PARP4: variants seen among roughly 807,000 people sequenced by gnomAD.
The protein encoded by PARP4 is poly(ADP-ribose) polymerase family member 4, also known as protein mono-ADP-ribosyltransferase PARP4.
PARP4 carries 120 observed loss-of-function variants against 187.7 expected under a neutral mutation model. The ratio of observed to expected loss-of-function variants is 0.64; its 90% CI spans 0.55 to 0.74. The LOEUF is 0.74. Ranked by LOEUF, PARP4 falls within the 30% of genes least tolerant of loss-of-function variation. PARP4 has a pLI of 0.00. For synonymous variants in PARP4, 654 were observed against 740.9 expected (o/e 0.88, Z 1.90); for missense variants, 1,836 against 2,070.5 (o/e 0.89, Z 2.20).
intron 30 of PARP4, among the ~76,000 whole-genome samples, chr13:24,440,555 C>T (rs1165811761): frequency 1.3e-5 from 2 of 151,892 alleles, no homozygotes; most frequent in Admixed American, 1.3e-4. Context: ...TAATATTTAT[C>T]AAATATCCAG....
rs576496591 is a variant in PARP4 at position 24,497,702 on chromosome 13, G to A, written c.591+414C>T. Among the ~76,000 whole-genome samples, 5 of 152,264 alleles carry A rather than the reference G, an allele frequency of 3.3e-5. No individual in the cohort carries two copies. In the South Asian group the frequency reaches 8.3e-4, roughly 25 times the overall value. On this transcript the variant is annotated intron_variant, in intron 6 of 33. Coordinates refer to ENST00000381989, the MANE Select transcript of PARP4 (RefSeq NM_006437.4). ...CCTAACTCCCAGGACCTCAACAACG[G>A]GATTGTGTTTGGAGACAGAGCCTTT...
chr13:24,498,138 A>C lies in PARP4; in HGVS notation c.569T>G (p.Phe190Cys). 6.2e-7 allele frequency: 1 copy of C among 1,612,580 alleles called. No homozygotes were observed. The highest frequency in any genetic ancestry group is 8.5e-7 in the Non-Finnish European group (1 of 1,178,666). The change falls in exon 6 of 34, where the codon TTC (phenylalanine) becomes TGC (cysteine). Residue 190 changes from phenylalanine (F) to cysteine (C), a missense_variant. By Grantham distance (205) the Phe-to-Cys change is radical (BLOSUM62 -2). Coordinates refer to ENST00000381989, the MANE Select transcript of PARP4 (RefSeq NM_006437.4). ...RDCPFLISSH[F>C]LLDDGMETRR... ...TACCTCCATGCCATCATCCAGGAGG[A>C]AGTGTGAGGATATCAGGAAAGGACA...
chr13:24,492,332 TTCAG>T lies in PARP4; in HGVS notation c.1053+85_1053+88del, dbSNP rs1253901925. On this transcript the variant is annotated intron_variant, in intron 9 of 33. Transcript: ENST00000381989. ...TACAACTCTGGAGACAATTTCATGA[TTCAG>T]TGTTACCTCATTCATCAGATTTCTA... The T allele has an allele frequency of 3.5e-6, 3 of 853,494 alleles. No homozygotes were observed. The Admixed American group carries it at 8.2e-5, about 23-fold the overall frequency. The allele number at this position is 853,494 out of a possible 1,614,324, so 52.9% of individuals were successfully genotyped here.
chr13:24,503,721 G>T lies in PARP4; in HGVS notation c.56C>A (p.Pro19His). ...CIFCLKVKYL[P>H]QQQKKKLQTD... Reference sequence around the variant, plus strand: ...TTGTAGCTTTTTCTTCTGCTGCTGAGGTAAGTACTTCACTTTCAAACAGAA... The same window carrying T: ...TTGTAGCTTTTTCTTCTGCTGCTGATGTAAGTACTTCACTTTCAAACAGAA... Residue 19 changes from proline to histidine, a missense_variant, in exon 2 of 34, where the codon CCT (proline) becomes CAT (histidine). Physicochemically the swap from Pro to His is moderately conservative, Grantham distance 77 (BLOSUM62 -2). Transcript: ENST00000381989. 6.2e-7 allele frequency: 1 copy of T among 1,613,734 alleles called. No homozygotes were observed.
intron 1 of PARP4, among the ~76,000 whole-genome samples, chr13:24,507,347 C>T (rs1869769611): frequency 6.6e-6 from 1 of 152,260 alleles, no homozygotes; most frequent in African/African-American, 2.4e-5. Context: ...TACCTTTGCC[C>T]TGTGTGTGTT....
chr13:24,483,049 C>A (rs1873360949), intron 12 of PARP4, among the ~76,000 whole-genome samples: 1 of 150,964 alleles, frequency 6.6e-6, no homozygotes, highest in African/African-American at 2.4e-5. Flanking sequence ...GAGATTGGGT[C>A]TCGCTTTGTC....
chr13:24,495,479 A>G (rs1593648504), intron 6 of PARP4, among the ~76,000 whole-genome samples: 1 of 152,228 alleles, frequency 6.6e-6, no homozygotes, highest in Non-Finnish European at 1.5e-5. Flanking sequence ...GACAGGCAGG[A>G]AAGTTATTAG....
intron 10 of PARP4, among the ~76,000 whole-genome samples, chr13:24,489,821 G>A (rs1316822796): frequency 6.6e-6 from 1 of 152,058 alleles, no homozygotes. Flanking sequence ...CAACGCCCCC[G>A]CACAGCCCTG....
chr13:24,434,606 C>T lies in PARP4; in HGVS notation c.4535G>A (p.Arg1512Gln), dbSNP rs369527666. 1.2e-5 allele frequency: 19 copies of T among 1,611,726 alleles called. No homozygotes were observed. The African/African-American group carries it at 2.1e-4, about 18-fold the overall frequency. Residue 1512 changes from arginine to glutamine, a missense_variant, in exon 31 of 34, where the codon CGA becomes CAA. Around this residue, in one of 8 missense-constraint regions of PARP4, gnomAD observed 450 missense variants for 439.2 expected, o/e 1.02. Coordinates refer to ENST00000381989, the MANE Select transcript of PARP4 (RefSeq NM_006437.4). ...ACTTTGAAAAGCAAAGACAGGACAT[C>T]GACTTCCTTCGAGACTGCCTACTGA... ...EESVGSLEGS[R>Q]CPVFAFQSSD... is the part of the protein sequence containing the mutation.
At chr13:24,512,044 TA>T (rs1870042112) in intron 1 of PARP4, among the ~76,000 whole-genome samples, 3 of 152,206 alleles carry the variant, frequency 2.0e-5, no homozygotes, top group Non-Finnish European at 4.4e-5. Context: ...ATCATAGCAC[TA>T]TGCTTGGATA....
chr13:24,466,815 A>G lies in PARP4; in HGVS notation c.2133+2209T>C, dbSNP rs1350731910. 6.1e-5 allele frequency among the ~76,000 whole-genome samples: 9 copies of G among 147,998 alleles called. No individual in the cohort carries two copies. In the East Asian group the frequency reaches 1.2e-3, roughly 20 times the overall value. On this transcript the variant is annotated intron_variant, in intron 17 of 33. Transcript: ENST00000381989. ...CTGTCTCAAAAAAAAAAAAAAAAAG[A>G]TAAAATTAATAAGCCAATAATGGAG...
chr13:24,510,558 A>AAAAAAAG (rs1869960349), intron 1 of PARP4, among the ~76,000 whole-genome samples: 1 of 151,542 alleles, frequency 6.6e-6, no homozygotes, highest in Non-Finnish European at 1.5e-5. Flanking sequence ...CGTCTCAAAA[A>AAAAAAAG]AAAAAAAAAA....
intron 5 of PARP4, 106 bp downstream of exon 5, chr13:24,499,192 CATA>C: frequency 1.7e-6 from 2 of 1,170,612 alleles, no homozygotes; most frequent in Non-Finnish European, 2.3e-6. Context: ...TCAGGATATG[CATA>C]ATTTTTCAAA....
chr13:24,501,534 A>G, intron 3 of PARP4, 99 bp downstream of exon 3: 1 of 776,840 alleles, frequency 1.3e-6, no homozygotes. Context: ...ATTTTTTTTT[A>G]GTATTTCTGG....
chr13:24,494,818 C>A (rs1290527967), intron 6 of PARP4, 96 bp from the exon 7 acceptor site: 2 of 744,994 alleles, frequency 2.7e-6, no homozygotes, highest in Non-Finnish European at 4.2e-6. Context: ...CATGAAGAAG[C>A]TTAGAAATTA....
At chr13:24,491,157 G>A (rs973646550) in intron 9 of PARP4, among the ~76,000 whole-genome samples, 10 of 147,826 alleles carry the variant, frequency 6.8e-5, no homozygotes, top group African/African-American at 2.0e-4. Context: ...TTTTGCTCTT[G>A]TTGACCAGGC....
At position 24,455,192 on chromosome 13, in the gene PARP4, T is replaced by C. The variant is rs765767892; in HGVS notation, c.2583A>G (p.Gln861=). Reference sequence around the variant, plus strand: ...CAGGGAGGTCGACATCGAGATCGGGTTGAAAGACAAGCATGCAAGCCTGAA... The same window carrying C: ...CAGGGAGGTCGACATCGAGATCGGGCTGAAAGACAAGCATGCAAGCCTGAA... ...KESEACMLVF[Q]PDLDVDLPDL... Residue 861 remains glutamine, a synonymous_variant, in exon 22 of 34, where the codon CAA becomes CAG. Coordinates refer to ENST00000381989, the MANE Select transcript of PARP4 (RefSeq NM_006437.4). The C allele has an allele frequency of 8.0e-5, 127 of 1,590,834 alleles. 1 individual carries two copies. The highest frequency in any genetic ancestry group is 9.5e-5 in the Non-Finnish European group (111 of 1,162,528).
intron 7 of PARP4, among the ~76,000 whole-genome samples, chr13:24,494,369 A>C (rs913430916): frequency 1.3e-5 from 2 of 152,074 alleles, no homozygotes; most frequent in African/African-American, 4.8e-5. Context: ...AATGTTTTTC[A>C]GTTTACGTAG....
intron 25 of PARP4, among the ~76,000 whole-genome samples, chr13:24,448,041 C>T (rs1357677008): frequency 6.6e-6 from 1 of 152,018 alleles, no homozygotes; most frequent in Non-Finnish European, 1.5e-5. Flanking sequence ...ACTGTCTCTA[C>T]AGAAAATTAG....
Sources: gnomAD v4.1 joint callset for allele counts (sites outside exome capture counted in the v4.1 genomes callset) on GRCh38, gnomAD v4.1.1 for gene constraint, gnomAD v4.1.1 regional missense constraint, MANE v1.5 for transcripts, NCBI Gene and HGNC (gene_info 2026-07-23, HGNC 2026-07-21) for gene names.